Variants in CLCN5 observed in about 807,000 individuals in gnomAD.
CLCN5 encodes H(+)/Cl(-) exchange transporter 5.
In CLCN5, 17 loss-of-function variants were observed where a neutral mutation model predicts 54.0. The ratio of observed to expected loss-of-function variants is 0.31; its 90% CI spans 0.22 to 0.47. CLCN5 has a LOEUF of 0.47. Ranked by LOEUF, CLCN5 falls within the 20% of genes least tolerant of loss-of-function variation. The pLI, the probability that CLCN5 is intolerant of heterozygous loss-of-function variation, is 1.00. For missense variants in CLCN5, 448 were observed against 646.7 expected (o/e 0.69, Z 3.33); for synonymous variants, 222 against 233.0 (o/e 0.95, Z 0.43).
At chrX:49,939,554 T>C (rs1216118431) in intron 3 of CLCN5, among the ~76,000 whole-genome samples, 3 of 110,035 alleles carry the variant, frequency 2.7e-5, no homozygotes, top group African/African-American at 1.0e-4. Context: ...AACCAAACAC[T>C]GCATGTTCTC....
chrX:50,089,403 A>G (rs1291392377), intron 12 of CLCN5, among the ~76,000 whole-genome samples: 1 of 112,725 alleles, frequency 8.9e-6, no homozygotes, highest in Admixed American at 9.4e-5. Context: ...GAGTTCACTC[A>G]TTTAAAAACA....
Position 50,092,286 on chromosome X carries a change from G to A in CLCN5, c.*67G>A. ...ACCATGGATATGTTGTATTAACTGGGTACCCAAAACACATTTTCCATATTT... is the reference window on the plus strand; with the variant it reads ...ACCATGGATATGTTGTATTAACTGGATACCCAAAACACATTTTCCATATTT... On this transcript the variant is annotated 3_prime_UTR_variant, in exon 15 of 15. Coordinates refer to ENST00000376091, the MANE Select transcript of CLCN5 (RefSeq NM_001127898.4). The A allele has an allele frequency of 1.3e-6, 1 of 766,465 alleles. No homozygotes were observed. The highest frequency in any genetic ancestry group is 2.1e-5 in the South Asian group (1 of 46,818). The allele number at this position is 766,465 out of a possible 1,213,427, so 63.2% of individuals were successfully genotyped here. A position where few individuals can be genotyped will look rare whatever the true frequency, so the allele number is the denominator to read the frequency against.
At chrX:49,999,582 G>A (rs1929700471) in intron 3 of CLCN5, among the ~76,000 whole-genome samples, 1 of 110,290 alleles carries the variant, frequency 9.1e-6, no homozygotes, top group Non-Finnish European at 1.9e-5. Flanking sequence ...GATGTGTTGA[G>A]GAATAAAAAA....
intron 3 of CLCN5, among the ~76,000 whole-genome samples, chrX:49,991,209 G>A (rs983404259): frequency 2.7e-5 from 3 of 111,711 alleles, no homozygotes; most frequent in Admixed American, 9.4e-5. Context: ...CCATATCCAC[G>A]CCAACATCTA....
intron 3 of CLCN5, among the ~76,000 whole-genome samples, chrX:49,955,998 T>G (rs1927301281): frequency 8.9e-6 from 1 of 111,851 alleles, no homozygotes; most frequent in Non-Finnish European, 1.9e-5. Context: ...ACTGTACCAC[T>G]ATTCCAAAGG....
At chrX:50,047,023 GA>G (rs1164933297) in intron 4 of CLCN5, among the ~76,000 whole-genome samples, 2 of 110,811 alleles carry the variant, frequency 1.8e-5, no homozygotes, top group Non-Finnish European at 3.8e-5. Context: ...TCCAGGAGAA[GA>G]AAAAAAATCT....
In CLCN5 at chrX:50,034,602, G is replaced by A. The variant is rs782094056; in HGVS notation, c.17-7714G>A. ...GCTTTGTATTTTCATTTGTGGGGTC[G>A]TGTGTGTCAGCCCACCTGTTGTTTT... On this transcript the variant is annotated intron_variant, in intron 3 of 14. Transcript: ENST00000376091. Among the ~76,000 whole-genome samples the A allele has an allele frequency of 2.1e-4, 23 of 111,660 alleles. 1 individual carries two copies. The highest frequency in any genetic ancestry group is 6.5e-4 in the African/African-American group (20 of 30,758).
intron 3 of CLCN5, among the ~76,000 whole-genome samples, chrX:50,018,922 T>A (rs1930924371): frequency 8.9e-6 from 1 of 111,779 alleles, no homozygotes; most frequent in African/African-American, 3.2e-5. Flanking sequence ...TTAGCTTTCT[T>A]GTAATCTCTC....
chrX:50,009,046 A>G, intron 3 of CLCN5: 1 of 352,950 alleles, frequency 2.8e-6, no homozygotes, highest in Non-Finnish European at 5.7e-6. Context: ...AGCCTTGTCT[A>G]CATGTAGAAG....
intron 3 of CLCN5, among the ~76,000 whole-genome samples, chrX:49,929,046 A>G (rs1925502105): frequency 8.9e-6 from 1 of 111,916 alleles, no homozygotes; most frequent in Admixed American, 9.5e-5. Flanking sequence ...TCCCTATTCC[A>G]GTATTCTTTC....
At chrX:49,934,500 A>G (rs1455964706) in intron 3 of CLCN5, among the ~76,000 whole-genome samples, 1 of 111,212 alleles carries the variant, frequency 9.0e-6, no homozygotes, top group African/African-American at 3.3e-5. Context: ...GTCAGGCCAA[A>G]GAAGCTGTTG....
Position 50,081,767 on chromosome X carries a change from G to C in CLCN5, c.853G>C (p.Val285Leu), listed in dbSNP as rs781944849. Residue 285 changes from valine to leucine, a missense_variant, in exon 9 of 15, where the codon GTG becomes CTG. By Grantham distance (32) the Val-to-Leu change is conservative. Coordinates refer to ENST00000376091, the MANE Select transcript of CLCN5 (RefSeq NM_001127898.4). ...GLSLGKEGPL[V>L]HVACCCGNIL... ...GAGCCTGGGCAAAGAGGGCCCTCTA[G>C]TGCACGTGGCTTGCTGCTGTGGGAA... 3.3e-6 allele frequency: 4 copies of C among 1,211,552 alleles called. No individual in the cohort carries two copies. The highest frequency in any genetic ancestry group is 1.8e-5 in the South Asian group (1 of 56,972).
At chrX:50,027,017 C>CTTT (rs113714534) in intron 3 of CLCN5, among the ~76,000 whole-genome samples, 1 of 98,172 alleles carries the variant, frequency 1.0e-5, no homozygotes, top group Non-Finnish European at 2.1e-5. Context: ...TTCTTTCTTT[C>CTTT]TTTTTTTTTT....
intron 3 of CLCN5, among the ~76,000 whole-genome samples, chrX:50,007,535 G>C (rs2147392614): frequency 1.9e-5 from 2 of 107,857 alleles, no homozygotes; most frequent in South Asian, 8.5e-4. Flanking sequence ...CGTGAACTTT[G>C]TTGACCTAGG....
At chrX:49,989,621 A>G (rs1036378744) in intron 3 of CLCN5, among the ~76,000 whole-genome samples, 1 of 111,929 alleles carries the variant, frequency 8.9e-6, no homozygotes, top group Admixed American at 9.4e-5. Context: ...ACTTTCCAAC[A>G]TTGCCCTGTG....
chrX:50,072,154 CTGTGAGTCA>C (rs1933240422), intron 5 of CLCN5, among the ~76,000 whole-genome samples: 1 of 111,769 alleles, frequency 8.9e-6, no homozygotes, highest in African/African-American at 3.3e-5. Flanking sequence ...AAACTATTTG[CTGTGAGTCA>C]AGAGATTGCC....
At chrX:49,930,788 T>A (rs1293093943) in intron 3 of CLCN5, among the ~76,000 whole-genome samples, 5 of 111,837 alleles carry the variant, frequency 4.5e-5, no homozygotes, top group African/African-American at 1.6e-4. Context: ...TTGAAAAACA[T>A]CTGCGTGTAA....
intron 8 of CLCN5, 43 bp downstream of exon 8, chrX:50,080,759 A>G (rs1557193002): frequency 9.1e-7 from 1 of 1,095,920 alleles, no homozygotes; most frequent in Admixed American, 2.2e-5. Context: ...CAATATGAAT[A>G]CTTTTTGGTT....
intron 3 of CLCN5, among the ~76,000 whole-genome samples, chrX:49,950,641 AT>A (rs1476110044): frequency 8.9e-6 from 1 of 111,973 alleles, no homozygotes. Flanking sequence ...TGATAAAAAA[AT>A]GTAGAATATC....
Sources: gnomAD v4.1 joint callset for allele counts (sites outside exome capture counted in the v4.1 genomes callset) on GRCh38, gnomAD v4.1.1 for gene constraint, MANE v1.5 for transcripts, NCBI Gene and HGNC (gene_info 2026-07-23, HGNC 2026-07-21) for gene names.